Variants in SLC41A3 observed in about 807,000 individuals in gnomAD.
The protein encoded by SLC41A3 is SLC41A1-like 2.
Under a neutral mutation model 45.4 loss-of-function variants are expected in SLC41A3, and 44 were observed. The observed-to-expected ratio is 0.97, with a 90% CI of 0.76 to 1.25. The LOEUF (loss-of-function observed/expected upper bound fraction) is 1.25, where lower values mean the gene tolerates loss of function less well. Ranked by LOEUF, SLC41A3 falls within the 50% of genes most tolerant of loss-of-function variation. The pLI is 0.00. For synonymous variants in SLC41A3, 256 were observed against 252.4 expected, an observed-to-expected ratio of 1.01 and a Z score of -0.13; for missense variants, 550 against 600.6, an observed-to-expected ratio of 0.92 and a Z score of 0.88.
upstream of SLC41A3, among the ~76,000 whole-genome samples, chr3:126,085,170 C>A (rs1406668977): frequency 2.0e-5 from 3 of 152,168 alleles, no homozygotes. Context: ...GTTTTCCTGC[C>A]TTTCTGGATC....
intron 1 of SLC41A3, among the ~76,000 whole-genome samples, chr3:126,079,615 T>A (rs1426878598): frequency 6.6e-6 from 1 of 152,208 alleles, no homozygotes; most frequent in African/African-American, 2.4e-5. Context: ...AGATACATTA[T>A]GTTTGAGGAA....
At chr3:126,095,301 G>C in intron 1 of SLC41A3, 1 of 662,350 alleles carries the variant, frequency 1.5e-6, no homozygotes, top group East Asian at 2.8e-5. Context: ...TTGCAGCCGT[G>C]TTGAGGCTGA....
chr3:126,088,335 C>T (rs947992899), upstream of SLC41A3, among the ~76,000 whole-genome samples: 4 of 152,098 alleles, frequency 2.6e-5, no homozygotes, highest in African/African-American at 9.7e-5. Context: ...ACTTTTAATT[C>T]ACATGATCTT....
intron 6 of SLC41A3, among the ~76,000 whole-genome samples, chr3:126,017,238 T>G (rs1409718071): frequency 6.6e-6 from 1 of 152,090 alleles, no homozygotes. Context: ...GGGTGCACAA[T>G]CTCATCTCAC....
intron 6 of SLC41A3, among the ~76,000 whole-genome samples, chr3:126,020,708 G>A (rs139481514): frequency 1.1e-4 from 16 of 152,188 alleles, no homozygotes; most frequent in South Asian, 2.1e-4. Flanking sequence ...CTTTAAGTCC[G>A]GTAAGAAGCA....
chr3:126,081,828 C>T (rs1399829127), intron 1 of SLC41A3, among the ~76,000 whole-genome samples: 2 of 152,234 alleles, frequency 1.3e-5, no homozygotes, highest in East Asian at 1.9e-4. Flanking sequence ...CACTCACACG[C>T]GTGCCTGAGG....
rs767775014 is a variant in SLC41A3, at chr3:126,008,862, G to A, written c.1124C>T (p.Ala375Val). ...GACCACCAGCAAGAGCAGGACTCGA[G>A]CTGACATGGAATTGATTTCTGAAAG... Reference protein sequence around the residue: ...FCTSEINSMSARVLLLLVVPG... With the variant: ...FCTSEINSMSVRVLLLLVVPG... Residue 375 changes from alanine to valine, a missense_variant, in exon 10 of 11, where the codon GCT (alanine) becomes GTT (valine). Coordinates refer to ENST00000360370, the MANE Select transcript of SLC41A3 (RefSeq NM_017836.4). 6.2e-5 allele frequency: 100 copies of A among 1,614,020 alleles called. No homozygotes were observed. Among genetic ancestry groups the A allele is most frequent in the Non-Finnish European group, 8.3e-5 (98 of 1,180,000 alleles).
chr3:126,083,723 G>T (rs1256212308), intron 1 of SLC41A3, among the ~76,000 whole-genome samples: 7 of 151,944 alleles, frequency 4.6e-5, no homozygotes, highest in Non-Finnish European at 8.8e-5. Flanking sequence ...CCGCAGCGGT[G>T]TGGGGAGCGG....
intron 2 of SLC41A3, among the ~76,000 whole-genome samples, chr3:126,057,404 G>T (rs2086931206): frequency 6.6e-6 from 1 of 152,204 alleles, no homozygotes; most frequent in African/African-American, 2.4e-5. Context: ...TGACTCCTGG[G>T]GTTCTGTTGT....
chr3:126,061,633 G>A (rs1395614880), intron 2 of SLC41A3, among the ~76,000 whole-genome samples: 1 of 152,188 alleles, frequency 6.6e-6, no homozygotes, highest in Non-Finnish European at 1.5e-5. Context: ...AGGGCTGGGT[G>A]TCAAGGGTCC....
At chr3:126,086,498 C>CTGTGTGTGTG (rs57609698), upstream of SLC41A3, among the ~76,000 whole-genome samples, 175 of 133,188 alleles carry the variant, frequency 1.3e-3, 1 homozygote, top group African/African-American at 4.5e-3. Context: ...GCTATAGGAT[C>CTGTGTGTGTG]TGTGTGTGTG....
Position 126,026,864 on chromosome 3 carries a change from T to C in SLC41A3, c.454-385A>G, listed in dbSNP as rs562237161. 3.3e-5 allele frequency among the ~76,000 whole-genome samples: 5 copies of C among 152,210 alleles called. No individual in the cohort carries two copies. The highest frequency in any genetic ancestry group is 1.2e-4 in the African/African-American group (5 of 41,454). ...TGCAGACAACACACCTCACTTGCCA[T>C]GTGGTGTACCCCACGACACAGAGCA... On this transcript the variant is annotated intron_variant, in intron 4 of 10. Transcript: ENST00000360370. The surrounding 1 kb of genome is among the most constrained non-coding windows in gnomAD (Gnocchi z 4.2).
chr3:126,070,624 T>C (rs1944573005), intron 1 of SLC41A3, among the ~76,000 whole-genome samples: 1 of 152,166 alleles, frequency 6.6e-6, no homozygotes. Context: ...AGCTGTCACC[T>C]AAGAATTCTT....
chr3:126,077,318 T>C (rs1944924783), intron 1 of SLC41A3, among the ~76,000 whole-genome samples: 1 of 152,242 alleles, frequency 6.6e-6, no homozygotes, highest in South Asian at 2.1e-4. Flanking sequence ...AGGCGGAAGC[T>C]GCAGTGAGCT....
chr3:126,096,991 A>C (rs923384950), intron 1 of SLC41A3, among the ~76,000 whole-genome samples: 1 of 152,256 alleles, frequency 6.6e-6, no homozygotes, highest in Non-Finnish European at 1.5e-5. Flanking sequence ...AAGGAATGGA[A>C]GTTTATTTAA....
chr3:126,007,794 G>T (rs1305837342), intron 10 of SLC41A3, among the ~76,000 whole-genome samples: 1 of 152,178 alleles, frequency 6.6e-6, no homozygotes. Flanking sequence ...AATTACAAAT[G>T]CCATAAACTC....
At chr3:126,057,159 G>C in intron 2 of SLC41A3, 1 of 985,416 alleles carries the variant, frequency 1.0e-6, no homozygotes, top group Non-Finnish European at 1.2e-6. Context: ...CAGTCTATGG[G>C]TCCCCAAGCA....
chr3:126,045,571 T>C (rs902429932), intron 3 of SLC41A3, among the ~76,000 whole-genome samples: 3 of 152,150 alleles, frequency 2.0e-5, no homozygotes, highest in Non-Finnish European at 2.9e-5. Flanking sequence ...GACTGAATCA[T>C]GGGAAATACA....
intron 1 of SLC41A3, chr3:126,101,359 G>C (rs1945706037): frequency 6.6e-6 from 1 of 152,226 alleles, no homozygotes; most frequent in Admixed American, 6.5e-5. Flanking sequence ...AAAATGCAGA[G>C]GTTATATGAC....
Sources: gnomAD v4.1 joint callset for allele counts (sites outside exome capture counted in the v4.1 genomes callset) on GRCh38, gnomAD v4.1.1 for gene constraint, Gnocchi (gnomAD v3.1) non-coding constraint, MANE v1.5 for transcripts, NCBI Gene and HGNC (gene_info 2026-07-23, HGNC 2026-07-21) for gene names.